ZRANB3: variants seen among roughly 807,000 people sequenced by gnomAD.
ZRANB3 encodes DNA annealing helicase and endonuclease ZRANB3.
Under a neutral mutation model 133.8 loss-of-function variants are expected in ZRANB3, and 125 were observed. That is an observed-to-expected ratio of 0.93 (90% CI 0.81 to 1.08). ZRANB3 has a LOEUF of 1.08. Among genes scored for constraint, ZRANB3 ranks in the 50% least tolerant of loss-of-function variants. ZRANB3 has a pLI of 0.00. For missense variants in ZRANB3, 1,229 were observed against 1,275.5 expected (o/e 0.96, Z 0.56); for synonymous variants, 387 against 432.7 (o/e 0.89, Z 1.31).
intron 8 of ZRANB3, among the ~76,000 whole-genome samples, chr2:135,292,891 G>A (rs1044647595): frequency 4.6e-5 from 7 of 151,964 alleles, no homozygotes; most frequent in African/African-American, 9.7e-5. Context: ...GTTTGTCAAA[G>A]ATCAGATAGC....
chr2:135,452,014 T>G (rs1450632086), intron 2 of ZRANB3, among the ~76,000 whole-genome samples: 1 of 152,080 alleles, frequency 6.6e-6, no homozygotes, highest in East Asian at 1.9e-4. Context: ...TAGGAAAAAT[T>G]ATAAACATTT....
chr2:135,419,934 T>C (rs1688760823), intron 2 of ZRANB3, among the ~76,000 whole-genome samples: 1 of 151,556 alleles, frequency 6.6e-6, no homozygotes, highest in Non-Finnish European at 1.5e-5. Context: ...GTTTTGTCTT[T>C]GATAGGGTTT....
chr2:135,345,725 A>C, intron 5 of ZRANB3, 90 bp from the exon 6 acceptor site: 1 of 914,520 alleles, frequency 1.1e-6, no homozygotes, highest in Non-Finnish European at 1.7e-6. Context: ...AATAGTAGGA[A>C]GTATAAAAGA....
chr2:135,425,648 G>A (rs1689029488), intron 2 of ZRANB3, among the ~76,000 whole-genome samples: 1 of 152,052 alleles, frequency 6.6e-6, no homozygotes, highest in African/African-American at 2.4e-5. Context: ...AAATGAATGA[G>A]AACAAAGATA....
intron 1 of ZRANB3, among the ~76,000 whole-genome samples, chr2:135,528,778 G>A (rs1694267618): frequency 6.6e-6 from 1 of 152,162 alleles, no homozygotes; most frequent in African/African-American, 2.4e-5. Flanking sequence ...GCAAGGTATG[G>A]TTACATTCCT....
intron 3 of ZRANB3, among the ~76,000 whole-genome samples, chr2:135,372,840 C>T (rs1686248404): frequency 6.7e-6 from 1 of 148,848 alleles, no homozygotes. Context: ...AATCCTAGCA[C>T]TTTGGGAGGC....
At chr2:135,338,674 TTA>T (rs1684480514) in intron 6 of ZRANB3, among the ~76,000 whole-genome samples, 1 of 152,242 alleles carries the variant, frequency 6.6e-6, no homozygotes, top group South Asian at 2.1e-4. Flanking sequence ...TGCATCAAGA[TTA>T]CACAGTATTC....
chr2:135,224,497 T>G lies in ZRANB3; in HGVS notation c.2179A>C (p.Thr727Pro). The change falls in exon 15 of 21, where the codon ACT becomes CCT. Residue 727 changes from threonine (T) to proline (P), a missense_variant. By Grantham distance (38) the Thr-to-Pro change is conservative (BLOSUM62 -1). Transcript: ENST00000264159. ...ATTAAGGTGTCATACACTGGCAAAGTGTCTGAACTCTTCCACTGTTCTATT... is the reference window on the plus strand; with the variant it reads ...ATTAAGGTGTCATACACTGGCAAAGGGTCTGAACTCTTCCACTGTTCTATT... The part of the protein sequence containing the change: ...PGNEQWKSSD[T>P]LPVYDTLMFC... 6.2e-7 allele frequency: 1 copy of G among 1,612,974 alleles called. No individual in the cohort carries two copies.
intron 6 of ZRANB3, among the ~76,000 whole-genome samples, chr2:135,344,462 G>A (rs1684829545): frequency 1.3e-5 from 2 of 152,202 alleles, no homozygotes; most frequent in Admixed American, 6.5e-5. Context: ...CAGGCTGGGC[G>A]TGGTGGCTCA....
At chr2:135,505,028 T>C (rs1693111661) in intron 1 of ZRANB3, among the ~76,000 whole-genome samples, 1 of 152,034 alleles carries the variant, frequency 6.6e-6, no homozygotes, top group Admixed American at 6.5e-5. Context: ...TGTTTAAATA[T>C]TAAAATTAAT....
chr2:135,255,912 ATT>A (rs760364915), intron 12 of ZRANB3, among the ~76,000 whole-genome samples: 10,216 of 138,828 alleles, frequency 0.074, 1,130 homozygotes, highest in African/African-American at 0.26. Flanking sequence ...ACTCATTAAA[ATT>A]TTTTTTTTTT....
At chr2:135,228,312 G>GC (rs1218820940) in intron 13 of ZRANB3, 3 of 151,210 alleles carry the variant, frequency 2.0e-5, no homozygotes, top group Non-Finnish European at 4.1e-5. Context: ...ACTAAGTTTT[G>GC]TTTTTTTTTT....
chr2:135,403,793 C>T (rs1687863255), intron 2 of ZRANB3, among the ~76,000 whole-genome samples: 1 of 152,176 alleles, frequency 6.6e-6, no homozygotes, highest in South Asian at 2.1e-4. Flanking sequence ...TTGCTGTTCA[C>T]CAATATCCGC....
intron 2 of ZRANB3, among the ~76,000 whole-genome samples, chr2:135,452,205 G>A (rs1215680508): frequency 6.6e-6 from 1 of 152,130 alleles, no homozygotes; most frequent in Non-Finnish European, 1.5e-5. Flanking sequence ...ATCAGATCTT[G>A]TGAAACTTTA....
At chr2:135,388,793 T>C (rs907923663) in intron 3 of ZRANB3, among the ~76,000 whole-genome samples, 1 of 152,048 alleles carries the variant, frequency 6.6e-6, no homozygotes, top group Non-Finnish European at 1.5e-5. Context: ...CATCCTGTTT[T>C]AGGCCGGGCA....
chr2:135,293,724 T>C (rs918836836), intron 8 of ZRANB3, among the ~76,000 whole-genome samples: 16 of 150,042 alleles, frequency 1.1e-4, no homozygotes, highest in African/African-American at 3.9e-4. Context: ...ATGATATTGG[T>C]TGTGGGTTTG....
chr2:135,257,920 C>A (rs144374249), intron 12 of ZRANB3, among the ~76,000 whole-genome samples: 2,236 of 152,274 alleles, frequency 0.015, 36 homozygotes, highest in Non-Finnish European at 0.02. Flanking sequence ...TGACCTCGGG[C>A]AGATTATGTA....
chr2:135,415,334 C>G (rs565837387), intron 2 of ZRANB3, among the ~76,000 whole-genome samples: 4 of 151,830 alleles, frequency 2.6e-5, no homozygotes, highest in Non-Finnish European at 5.9e-5. Flanking sequence ...AACACCTCTA[C>G]GCAAATAAAC....
Position 135,245,577 on chromosome 2 carries a change from G to A in ZRANB3, c.1540-14650C>T, listed in dbSNP as rs191175270. On this transcript the variant is annotated intron_variant, in intron 12 of 20. Transcript: ENST00000264159. Reference sequence around the variant, plus strand: ...AGTGATTCTTGTGTCTCAGCCTCCCGAGTAGCTGGGACTACAAGCATGTGC... The same window carrying A: ...AGTGATTCTTGTGTCTCAGCCTCCCAAGTAGCTGGGACTACAAGCATGTGC... 1.3e-3 allele frequency among the ~76,000 whole-genome samples: 192 copies of A among 151,606 alleles called. 2 individuals carry two copies. The highest frequency in any genetic ancestry group is 4.1e-3 in the African/African-American group (168 of 41,368).
Sources: allele counts gnomAD v4.1 joint callset (sites outside exome capture counted in the v4.1 genomes callset), GRCh38; gene constraint gnomAD v4.1.1; transcripts MANE v1.5; gene names NCBI Gene and HGNC (gene_info 2026-07-23, HGNC 2026-07-21).